APBA1: variants seen among roughly 807,000 people sequenced by gnomAD.
APBA1 encodes the protein amyloid beta precursor protein binding family A member 1, also known as amyloid-beta A4 precursor protein-binding family A member 1.
In APBA1, 55 loss-of-function variants were observed where a neutral mutation model predicts 86.6. The observed-to-expected ratio is 0.64, with a 90% CI of 0.51 to 0.80. The LOEUF is 0.80. APBA1 is among the 30% of genes least tolerant of loss of function. The pLI is 0.00. For synonymous variants in APBA1, 511 were observed against 493.9 expected, an observed-to-expected ratio of 1.03 and a Z score of -0.46; for missense variants, 1,090 against 1,183.0, an observed-to-expected ratio of 0.92 and a Z score of 1.15.
chr9:69,669,458 T>G (rs1391322838), intron 1 of APBA1, among the ~76,000 whole-genome samples: 1 of 152,162 alleles, frequency 6.6e-6, no homozygotes, highest in Non-Finnish European at 1.5e-5. Context: ...AAGGCATCCA[T>G]GCACAAAAAA....
chr9:69,576,623 T>G (rs901762396), intron 1 of APBA1, among the ~76,000 whole-genome samples: 1 of 151,706 alleles, frequency 6.6e-6, no homozygotes, highest in Admixed American at 6.6e-5. Context: ...ACCAAACACC[T>G]CATGTTCTCA....
chr9:69,668,765 T>C (rs1823888724), intron 1 of APBA1, among the ~76,000 whole-genome samples: 1 of 152,156 alleles, frequency 6.6e-6, no homozygotes, highest in Non-Finnish European at 1.5e-5. Flanking sequence ...TTTTGTTTCC[T>C]GTGTAGGCAT....
intron 1 of APBA1, among the ~76,000 whole-genome samples, chr9:69,656,046 T>C (rs1246727883): frequency 1.3e-5 from 2 of 152,138 alleles, no homozygotes; most frequent in African/African-American, 4.8e-5. Flanking sequence ...TTTAACAACA[T>C]TAATAAAAAT....
intron 1 of APBA1, among the ~76,000 whole-genome samples, chr9:69,613,612 T>C (rs1417812572): frequency 2.6e-5 from 4 of 152,148 alleles, no homozygotes; most frequent in Non-Finnish European, 5.9e-5. Flanking sequence ...TGTAATTTTT[T>C]TATCTAGCTC....
At chr9:69,599,139 G>C (rs182996784) in intron 1 of APBA1, among the ~76,000 whole-genome samples, 15 of 152,302 alleles carry the variant, frequency 9.8e-5, no homozygotes, top group African/African-American at 3.6e-4. Context: ...TCTAAGGTCA[G>C]ATAGTGCAGA....
intron 1 of APBA1, among the ~76,000 whole-genome samples, chr9:69,611,316 C>T (rs1448096588): frequency 1.5e-5 from 2 of 131,298 alleles, no homozygotes; most frequent in Non-Finnish European, 3.4e-5. Flanking sequence ...AAAAAAAAAA[C>T]CCAAACCGGC....
At chr9:69,636,975 GAA>G (rs1823190953) in intron 1 of APBA1, among the ~76,000 whole-genome samples, 2 of 150,954 alleles carry the variant, frequency 1.3e-5, no homozygotes, top group African/African-American at 4.9e-5. Context: ...AAGAAAGAAA[GAA>G]AGAAAGAAAA....
intron 2 of APBA1, among the ~76,000 whole-genome samples, chr9:69,493,273 T>C (rs985534374): frequency 2.6e-5 from 4 of 152,102 alleles, no homozygotes; most frequent in Non-Finnish European, 4.4e-5. Flanking sequence ...ACTATTTTTT[T>C]CCCTCTTCTA....
intron 1 of APBA1, among the ~76,000 whole-genome samples, chr9:69,626,304 G>A (rs1822926633): frequency 6.9e-6 from 1 of 145,716 alleles, no homozygotes; most frequent in East Asian, 2.1e-4. Flanking sequence ...GAAATAAACT[G>A]TCTTGTTGTT....
chr9:69,458,912 T>C (rs1052913741), intron 5 of APBA1, among the ~76,000 whole-genome samples: 4 of 152,244 alleles, frequency 2.6e-5, no homozygotes, highest in Admixed American at 1.3e-4. Flanking sequence ...GATCAAGAGA[T>C]TCTCCTGCCT....
intron 2 of APBA1, among the ~76,000 whole-genome samples, chr9:69,505,009 T>C (rs1342844823): frequency 6.6e-6 from 1 of 152,034 alleles, no homozygotes; most frequent in Non-Finnish European, 1.5e-5. Flanking sequence ...TGGGCCTTTG[T>C]TGGGGGGCGT....
intron 1 of APBA1, among the ~76,000 whole-genome samples, chr9:69,546,220 C>T (rs11139274): frequency 0.38 from 57,946 of 152,104 alleles, 12,208 homozygotes; most frequent in Non-Finnish European, 0.47. Context: ...TTCAGGCTAA[C>T]CCATGAAACT....
rs869242999 is a variant in APBA1, at chr9:69,523,497, GTATATATATA to G, written c.-69-6228_-69-6219del. Among the ~76,000 whole-genome samples the G allele has an allele frequency of 1.4e-3, 42 of 30,896 alleles. 1 individual carries two copies. Among genetic ancestry groups the G allele is most frequent in the South Asian group, 3.5e-3 (3 of 846 alleles). 20.3% of individuals were successfully genotyped at this position (30,896 alleles called of 152,430 possible). ...TATATGTATATATATATATATATAT[GTATATATATA>G]TATATATATATATATATATATATAT... On this transcript the variant is annotated intron_variant, in intron 1 of 12. Coordinates refer to ENST00000265381, the MANE Select transcript of APBA1 (RefSeq NM_001163.4).
chr9:69,564,144 C>T (rs1171516627), intron 1 of APBA1, among the ~76,000 whole-genome samples: 3 of 152,168 alleles, frequency 2.0e-5, no homozygotes, highest in Non-Finnish European at 2.9e-5. Flanking sequence ...TTCAGGATCA[C>T]AGGCTTACAG....
intron 12 of APBA1, among the ~76,000 whole-genome samples, chr9:69,431,732 C>G (rs1488182276): frequency 1.3e-5 from 2 of 152,236 alleles, no homozygotes; most frequent in African/African-American, 2.4e-5. Flanking sequence ...TCTCAGGGTG[C>G]CTGCCTCCCT....
intron 1 of APBA1, among the ~76,000 whole-genome samples, chr9:69,563,584 T>G (rs1836980234): frequency 6.6e-6 from 1 of 152,208 alleles, no homozygotes. Flanking sequence ...CTACTCCACC[T>G]GACTTGTATT....
At chr9:69,669,376 C>A (rs551029246) in intron 1 of APBA1, among the ~76,000 whole-genome samples, 32 of 147,038 alleles carry the variant, frequency 2.2e-4, no homozygotes, top group Non-Finnish European at 4.4e-4. Context: ...CAAAACAAAA[C>A]AACAACAACA....
chr9:69,453,872 G>T (rs1177756590), intron 8 of APBA1, among the ~76,000 whole-genome samples: 1 of 152,208 alleles, frequency 6.6e-6, no homozygotes, highest in Non-Finnish European at 1.5e-5. Flanking sequence ...TTGTTTCTCA[G>T]AGCTTTCTAG....
chr9:69,652,381 C>T (rs1394697006), intron 1 of APBA1, among the ~76,000 whole-genome samples: 1 of 151,980 alleles, frequency 6.6e-6, no homozygotes, highest in Non-Finnish European at 1.5e-5. Flanking sequence ...AATAGGGGTA[C>T]AGGGAGGGGG....
Sources: gnomAD v4.1 joint callset for allele counts (sites outside exome capture counted in the v4.1 genomes callset) on GRCh38, gnomAD v4.1.1 for gene constraint, MANE v1.5 for transcripts, NCBI Gene and HGNC (gene_info 2026-07-23, HGNC 2026-07-21) for gene names.